RFTN2: variants seen among roughly 807,000 people sequenced by gnomAD.
RFTN2 encodes raftlin-2.
Under a neutral mutation model 52.7 loss-of-function variants are expected in RFTN2, and 34 were observed. The observed-to-expected ratio is 0.64, with a 90% CI of 0.49 to 0.86. The LOEUF is 0.86. Among genes scored for constraint, RFTN2 ranks in the 40% least tolerant of loss-of-function variants. RFTN2 has a pLI of 0.00. For synonymous variants in RFTN2, 203 were observed against 217.7 expected (o/e 0.93, Z 0.59); for missense variants, 536 against 600.1 (o/e 0.89, Z 1.12).
At chr2:197,673,252 G>A (rs1329878734) in intron 1 of RFTN2, among the ~76,000 whole-genome samples, 1 of 152,084 alleles carries the variant, frequency 6.6e-6, no homozygotes, top group African/African-American at 2.4e-5. Context: ...AGAATTACCG[G>A]TGCCAAACAG....
chr2:197,641,373 C>T (rs557837740), intron 3 of RFTN2, among the ~76,000 whole-genome samples: 1 of 152,254 alleles, frequency 6.6e-6, no homozygotes, highest in South Asian at 2.1e-4. Context: ...TTTAAAACAA[C>T]CACAAATTTT....
chr2:197,643,567 T>A (rs2088704262), intron 3 of RFTN2, among the ~76,000 whole-genome samples: 1 of 152,210 alleles, frequency 6.6e-6, no homozygotes, highest in Non-Finnish European at 1.5e-5. Flanking sequence ...GTCCATTGTC[T>A]CTCTCTGTCC....
In RFTN2 at chr2:197,592,912, G is replaced by T. The variant is rs528610681; in HGVS notation, c.1233+3079C>A. The stretch of plus-strand genomic sequence containing the variant: ...CCATTCTGAGATAGAGTAAGAAATT[G>T]TTTCCTTAAGTAAAAACTGAATTTG... On this transcript the variant is annotated intron_variant, in intron 8 of 8. Transcript: ENST00000295049. Among the ~76,000 whole-genome samples, 66 of 152,244 alleles carry T rather than the reference G, an allele frequency of 4.3e-4. 1 individual carries two copies. The highest frequency in any genetic ancestry group is 1.4e-3 in the African/African-American group (59 of 41,544).
chr2:197,638,419 G>T, intron 3 of RFTN2, among the ~76,000 whole-genome samples: 1 of 88,676 alleles, frequency 1.1e-5, no homozygotes, highest in Non-Finnish European at 2.3e-5. Context: ...GAATCTGGGT[G>T]CTCCTGTATT....
chr2:197,574,844 G>T (rs2087385673), intron 8 of RFTN2, among the ~76,000 whole-genome samples: 1 of 151,268 alleles, frequency 6.6e-6, no homozygotes, highest in African/African-American at 2.4e-5. Flanking sequence ...CTCTAGCCTG[G>T]GCAACAAGAG....
intron 6 of RFTN2, among the ~76,000 whole-genome samples, chr2:197,616,476 G>A (rs1185467647): frequency 1.3e-5 from 2 of 151,716 alleles, no homozygotes; most frequent in African/African-American, 4.8e-5. Flanking sequence ...ATTTTTTGTA[G>A]AGATGGGGTC....
At chr2:197,638,928 A>C (rs1368928241) in intron 3 of RFTN2, among the ~76,000 whole-genome samples, 2 of 151,382 alleles carry the variant, frequency 1.3e-5, no homozygotes, top group Non-Finnish European at 2.9e-5. Context: ...CTTTTTGGGC[A>C]GGCCTGGTCA....
At chr2:197,579,395 C>T (rs1291537522) in intron 8 of RFTN2, among the ~76,000 whole-genome samples, 1 of 152,186 alleles carries the variant, frequency 6.6e-6, no homozygotes, top group African/African-American at 2.4e-5. Flanking sequence ...CCTGTGTTCT[C>T]AAGAACTTAA....
rs528423183 is a variant in RFTN2, at chr2:197,663,169, G to A, written c.139+12151C>T. Among the ~76,000 whole-genome samples the A allele has an allele frequency of 2.0e-5, 3 of 152,220 alleles. No individual in the cohort carries two copies. The South Asian group carries it at 6.2e-4, about 32-fold the overall frequency. ...TATAGATTTGCATAAATTAAACCAT[G>A]TTTGCATCACTGGTATAAATTCCAT... On this transcript the variant is annotated intron_variant, in intron 1 of 8. Coordinates refer to ENST00000295049, the MANE Select transcript of RFTN2 (RefSeq NM_144629.3).
intron 7 of RFTN2, among the ~76,000 whole-genome samples, chr2:197,599,062 C>T (rs1450066667): frequency 1.3e-5 from 2 of 152,002 alleles, no homozygotes; most frequent in African/African-American, 4.8e-5. Context: ...CGCCATTTTC[C>T]TACCTCAGCC....
At chr2:197,619,700 C>A (rs2088224956) in intron 5 of RFTN2, among the ~76,000 whole-genome samples, 1 of 147,328 alleles carries the variant, frequency 6.8e-6, no homozygotes, top group African/African-American at 2.5e-5. Context: ...TGTGACCCTG[C>A]CAAATCCCCC....
chr2:197,635,313 C>G (rs1053500923), intron 3 of RFTN2, among the ~76,000 whole-genome samples: 1 of 152,200 alleles, frequency 6.6e-6, no homozygotes. Context: ...AGTCACCACA[C>G]TGACTTCCAC....
chr2:197,663,725 G>A (rs1368408991), intron 1 of RFTN2, among the ~76,000 whole-genome samples: 1 of 152,048 alleles, frequency 6.6e-6, no homozygotes, highest in Non-Finnish European at 1.5e-5. Context: ...CTAGCTAGCA[G>A]TTTATTAATT....
intron 7 of RFTN2, among the ~76,000 whole-genome samples, chr2:197,600,903 A>C (rs2087869144): frequency 6.6e-6 from 1 of 152,210 alleles, no homozygotes; most frequent in Non-Finnish European, 1.5e-5. Flanking sequence ...TAGAGATAGT[A>C]ATTTAAATTC....
At chr2:197,628,984 G>T (rs1559355654) in intron 5 of RFTN2, among the ~76,000 whole-genome samples, 1 of 152,122 alleles carries the variant, frequency 6.6e-6, no homozygotes. Context: ...TGCTATAAAA[G>T]ACCAAGTGGA....
chr2:197,645,519 C>A (rs2088735192), intron 2 of RFTN2, among the ~76,000 whole-genome samples: 1 of 152,054 alleles, frequency 6.6e-6, no homozygotes, highest in African/African-American at 2.4e-5. Context: ...TATTTTTATT[C>A]TTAATTGGAA....
rs1287347349 is a variant in RFTN2 at position 197,638,309 on chromosome 2, T to A, written c.439-4312A>T. ...TGGGTATCCTTGTTGACTTTCTGTC[T>A]CGTTGATCTGTCTAATGTTGACAGT... is the stretch of plus-strand genomic sequence containing the variant. On this transcript the variant is annotated intron_variant, in intron 3 of 8. Coordinates refer to ENST00000295049, the MANE Select transcript of RFTN2 (RefSeq NM_144629.3). Among the ~76,000 whole-genome samples, 92 of 101,946 alleles carry A rather than the reference T, an allele frequency of 9.0e-4. 1 individual carries two copies. Among genetic ancestry groups the A allele is most frequent in the African/African-American group, 2.6e-3 (80 of 30,842 alleles). The allele number at this position is 101,946 out of a possible 152,430, so 66.9% of individuals were successfully genotyped here.
chr2:197,573,104 C>T (rs543389038), intron 8 of RFTN2, among the ~76,000 whole-genome samples: 15 of 85,284 alleles, frequency 1.8e-4, no homozygotes, highest in Admixed American at 6.9e-4. Flanking sequence ...AGTAGAGTGG[C>T]GGGGGTGGGG....
chr2:197,587,284 C>T, intron 8 of RFTN2, among the ~76,000 whole-genome samples: 1 of 152,048 alleles, frequency 6.6e-6, no homozygotes, highest in East Asian at 1.9e-4. Flanking sequence ...CCATACCACC[C>T]CCAAAAATTT....
Sources: gnomAD v4.1 joint callset for allele counts (sites outside exome capture counted in the v4.1 genomes callset) on GRCh38, gnomAD v4.1.1 for gene constraint, MANE v1.5 for transcripts, NCBI Gene and HGNC (gene_info 2026-07-23, HGNC 2026-07-21) for gene names.